The following EBF1 variants were observed in gnomAD, a reference collection of about 807,000 sequenced individuals.
EBF1 encodes the protein EBF transcription factor 1.
Under a neutral mutation model 68.4 loss-of-function variants are expected in EBF1, and 10 were observed. That is an observed-to-expected ratio of 0.15 (90% confidence interval 0.09 to 0.25). EBF1 has a LOEUF of 0.25. Ranked by LOEUF, EBF1 falls within the 10% of genes least tolerant of loss-of-function variation. The pLI, the probability that EBF1 is intolerant of heterozygous loss-of-function variation, is 1.00. For synonymous variants in EBF1, 298 were observed against 299.8 expected (o/e 0.99, Z 0.06); for missense variants, 509 against 794.4 (o/e 0.64, Z 4.32).
intron 8 of EBF1, among the ~76,000 whole-genome samples, chr5:158,820,530 G>A (rs146680595): frequency 0.014 from 2,184 of 152,240 alleles, 24 homozygotes; most frequent in Non-Finnish European, 0.025. Context: ...ACTCTGCAGA[G>A]AAGCAGATTT....
intron 15 of EBF1, among the ~76,000 whole-genome samples, chr5:158,700,053 T>A (rs1461536532): frequency 6.6e-6 from 1 of 152,226 alleles, no homozygotes; most frequent in Non-Finnish European, 1.5e-5. Context: ...GTGAATAAAA[T>A]GACACATGCA....
At chr5:158,807,183 TGC>T in intron 8 of EBF1, among the ~76,000 whole-genome samples, 1 of 152,042 alleles carries the variant, frequency 6.6e-6, no homozygotes, top group Middle Eastern at 3.4e-3. Context: ...ATATAGGGGG[TGC>T]CCTCCATAGA....
chr5:158,904,032 GA>G (rs1273534788), intron 6 of EBF1, among the ~76,000 whole-genome samples: 2 of 152,236 alleles, frequency 1.3e-5, no homozygotes, highest in East Asian at 3.9e-4. Context: ...TAAAAGACAA[GA>G]AGGAGTGGGG....
At chr5:159,047,787 C>T (rs752183828) in intron 6 of EBF1, among the ~76,000 whole-genome samples, 25 of 152,122 alleles carry the variant, frequency 1.6e-4, no homozygotes, top group African/African-American at 4.8e-4. Context: ...TTCCCTCCCA[C>T]GGGGGTATAA....
chr5:158,733,070 A>G (rs1192652792), intron 10 of EBF1, among the ~76,000 whole-genome samples: 1 of 152,158 alleles, frequency 6.6e-6, no homozygotes, highest in Non-Finnish European at 1.5e-5. Flanking sequence ...TGTAGAGAAA[A>G]TGCCATAGAA....
chr5:158,882,995 C>T (rs897911688), intron 6 of EBF1, among the ~76,000 whole-genome samples: 38 of 152,138 alleles, frequency 2.5e-4, no homozygotes, highest in African/African-American at 8.9e-4. Flanking sequence ...TTTCTTCCTT[C>T]ATTCCTCTTG....
chr5:158,993,399 T>C (rs1016438273), intron 6 of EBF1, among the ~76,000 whole-genome samples: 3 of 152,274 alleles, frequency 2.0e-5, no homozygotes, highest in African/African-American at 7.2e-5. Context: ...AAGAGGTCTC[T>C]GGTTGGTATC....
At chr5:159,022,716 G>A (rs1484919206) in intron 6 of EBF1, among the ~76,000 whole-genome samples, 3 of 152,012 alleles carry the variant, frequency 2.0e-5, no homozygotes, top group Non-Finnish European at 4.4e-5. Flanking sequence ...AAAACCAGCC[G>A]CTGGGATAAG....
At chr5:158,991,098 A>T (rs1347235726) in intron 6 of EBF1, among the ~76,000 whole-genome samples, 4 of 152,196 alleles carry the variant, frequency 2.6e-5, no homozygotes, top group African/African-American at 4.8e-5. Flanking sequence ...TATCTGTGTG[A>T]TCTTGAGCAA....
At chr5:158,945,813 T>C in intron 6 of EBF1, among the ~76,000 whole-genome samples, 1 of 152,206 alleles carries the variant, frequency 6.6e-6, no homozygotes, top group East Asian at 1.9e-4. Flanking sequence ...CACTTTCAGG[T>C]ACACCAATCA....
intron 6 of EBF1, among the ~76,000 whole-genome samples, chr5:158,921,958 A>G (rs764489245): frequency 3.9e-5 from 6 of 152,208 alleles, no homozygotes; most frequent in Non-Finnish European, 5.9e-5. Flanking sequence ...CTCACGATCC[A>G]TAGCATTCCT....
intron 10 of EBF1, among the ~76,000 whole-genome samples, chr5:158,737,184 GT>G (rs1349391962): frequency 6.7e-6 from 1 of 150,322 alleles, no homozygotes; most frequent in Non-Finnish European, 1.5e-5. Flanking sequence ...CAAGAAGGGT[GT>G]CAAGACGAAG....
intron 10 of EBF1, among the ~76,000 whole-genome samples, chr5:158,745,941 A>C (rs545822742): frequency 6.6e-6 from 1 of 152,156 alleles, no homozygotes. Context: ...CCCATGGAAT[A>C]ATGTGGGTGA....
chr5:159,087,930 C>T (rs1218108494), intron 4 of EBF1, among the ~76,000 whole-genome samples: 1 of 152,112 alleles, frequency 6.6e-6, no homozygotes, highest in Non-Finnish European at 1.5e-5. Flanking sequence ...TCTCCCTCTC[C>T]TTGGGGCCTC....
chr5:158,939,709 C>T (rs1018444834), intron 6 of EBF1, among the ~76,000 whole-genome samples: 2 of 131,978 alleles, frequency 1.5e-5, no homozygotes, highest in African/African-American at 3.0e-5. Flanking sequence ...ACTCAATCAG[C>T]GAATATCAGT....
chr5:158,821,243 G>A (rs1784765965), intron 8 of EBF1, among the ~76,000 whole-genome samples: 1 of 152,188 alleles, frequency 6.6e-6, no homozygotes, highest in Non-Finnish European at 1.5e-5. Flanking sequence ...AGGTCAAATA[G>A]AGGCCAGAGT....
Position 158,698,040 on chromosome 5 carries a change from CG to C in EBF1, c.*1070del, listed in dbSNP as rs1756026007. On this transcript the variant is annotated 3_prime_UTR_variant, in exon 16 of 16. Transcript: ENST00000313708. ...CTATTATGTTACAAATGGTAAGGGT[CG>C]ACTGATAGAGGCAGTATCTGGAATG... 4.7e-6 allele frequency: 1 copy of C among 214,816 alleles called. No homozygotes were observed. The highest frequency in any genetic ancestry group is 5.9e-5 in the Admixed American group (1 of 17,090). 13.3% of individuals were successfully genotyped at this position (214,816 alleles called of 1,614,324 possible).
intron 15 of EBF1, among the ~76,000 whole-genome samples, chr5:158,701,965 T>G (rs1756863066): frequency 6.6e-6 from 1 of 152,184 alleles, no homozygotes; most frequent in Admixed American, 6.5e-5. Context: ...TGTACCCTAC[T>G]TGGGCAAGAC....
At chr5:158,962,711 C>T (rs1285078879) in intron 6 of EBF1, among the ~76,000 whole-genome samples, 1 of 152,172 alleles carries the variant, frequency 6.6e-6, no homozygotes, top group South Asian at 2.1e-4. Context: ...GGGTGAAGAA[C>T]AGTATATTAG....
Sources: allele counts gnomAD v4.1 joint callset (sites outside exome capture counted in the v4.1 genomes callset), GRCh38; gene constraint gnomAD v4.1.1; transcripts MANE v1.5; gene names NCBI Gene and HGNC (gene_info 2026-07-23, HGNC 2026-07-21).